TMEM165: variants seen among roughly 807,000 people sequenced by gnomAD.
TMEM165 encodes the protein transmembrane protein 165.
Under a neutral mutation model 30.0 loss-of-function variants are expected in TMEM165, and 19 were observed. The ratio of observed to expected loss-of-function variants is 0.63; its 90% confidence interval spans 0.44 to 0.93. The LOEUF (loss-of-function observed/expected upper bound fraction) is 0.93. TMEM165 is among the 40% of genes least tolerant of loss of function. The probability of loss-of-function intolerance (pLI) is 0.00; values close to 1 mark genes in which losing one functional copy is unlikely to be tolerated. For synonymous variants in TMEM165, 168 were observed against 162.9 expected, an observed-to-expected ratio of 1.03 and a Z score of -0.24; for missense variants, 340 against 417.0, an observed-to-expected ratio of 0.82 and a Z score of 1.61.
At position 55,411,749 on chromosome 4, in the gene TMEM165, T is replaced by C; in HGVS notation, c.343T>C (p.Phe115Leu). The C allele has an allele frequency of 6.2e-7, 1 of 1,614,210 alleles. No homozygotes were observed. The highest frequency in any genetic ancestry group is 8.5e-7 in the Non-Finnish European group (1 of 1,180,040). The change falls in exon 2 of 6, where the codon TTT becomes CTT. Residue 115 changes from phenylalanine to leucine, a missense_variant. Physicochemically the swap from Phe to Leu is conservative, Grantham distance 22 (BLOSUM62 0). This residue lies in a region of TMEM165 where 220 missense variants were observed against 307.6 expected (regional missense o/e 0.72). Coordinates refer to ENST00000381334, the MANE Select transcript of TMEM165 (RefSeq NM_018475.5). ...IVSELGDKTF[F>L]IAAIMAMRYN... ...ATCTGAATTGGGTGATAAGACATTT[T>C]TTATAGCAGCCATCATGGCAATGCG...
downstream of TMEM165, among the ~76,000 whole-genome samples, chr4:55,427,364 AATCT>A (rs10566465): frequency 0.65 from 97,739 of 150,528 alleles, 32,076 homozygotes; most frequent in African/African-American, 0.75. Context: ...GTTTGGAGAC[AATCT>A]ATCTCACTCT....
At chr4:55,398,685 C>T (rs1419239624) in intron 1 of TMEM165, among the ~76,000 whole-genome samples, 1 of 152,088 alleles carries the variant, frequency 6.6e-6, no homozygotes, top group African/African-American at 2.4e-5. Context: ...TTATCTGCCC[C>T]TACTAGCTTT....
chr4:55,443,543 A>T, intron 3 of TMEM165: 1 of 688,288 alleles, frequency 1.5e-6, no homozygotes, highest in Non-Finnish European at 2.5e-6. Context: ...AAAATATTTT[A>T]ATAATCACTC....
intron 1 of TMEM165, among the ~76,000 whole-genome samples, chr4:55,410,134 C>T (rs978463451): frequency 6.6e-6 from 1 of 152,114 alleles, no homozygotes; most frequent in Non-Finnish European, 1.5e-5. Context: ...CTTGTAACTT[C>T]TTAAAAATGT....
chr4:55,425,010 A>G (rs1657292303), intron 5 of TMEM165, among the ~76,000 whole-genome samples: 1 of 152,252 alleles, frequency 6.6e-6, no homozygotes, highest in South Asian at 2.1e-4. Context: ...GTGAAGCCAC[A>G]GTTAGGTCTA....
At chr4:55,420,106 A>AAAAAATATATATATAT (rs1474254120) in intron 4 of TMEM165, among the ~76,000 whole-genome samples, 1 of 45,468 alleles carries the variant, frequency 2.2e-5, no homozygotes, top group African/African-American at 8.2e-5. Flanking sequence ...AAGAAAAAAA[A>AAAAAATATATATATAT]ATATATATAT....
intron 2 of TMEM165, chr4:55,412,844 TAA>T (rs1260676267): frequency 6.6e-6 from 1 of 152,174 alleles, no homozygotes; most frequent in African/African-American, 2.4e-5. Context: ...GTAAATCTCT[TAA>T]GTGTTAACTC....
At chr4:55,401,306 C>T (rs12641881) in intron 1 of TMEM165, among the ~76,000 whole-genome samples, 36,964 of 150,510 alleles carry the variant, frequency 0.25, 5,994 homozygotes, top group East Asian at 0.58. Flanking sequence ...TACTTGGATC[C>T]TATCTTTTCT....
intron 3 of TMEM165, chr4:55,444,718 A>T (rs958536060): frequency 6.2e-7 from 1 of 1,614,094 alleles, no homozygotes; most frequent in Non-Finnish European, 8.5e-7. Context: ...TGCTTCTATC[A>T]TGCGTGTCCG....
chr4:55,400,568 G>A (rs1370985780), intron 1 of TMEM165, among the ~76,000 whole-genome samples: 1 of 148,486 alleles, frequency 6.7e-6, no homozygotes, highest in Non-Finnish European at 1.5e-5. Context: ...CTCCAGCATA[G>A]CTGGGACTAC....
At position 55,442,618 on chromosome 4, in the gene TMEM165, A is replaced by G. The variant is rs1177600711; in HGVS notation, c.409-9621A>G. 1.9e-6 allele frequency: 3 copies of G among 1,613,134 alleles called. No homozygotes were observed. In the African/African-American group the frequency reaches 4.0e-5, roughly 22 times the overall value. On this transcript the variant is annotated intron_variant, in intron 3 of 3. Coordinates refer to the TMEM165 transcript ENST00000608091. The stretch of plus-strand genomic sequence containing the variant: ...AGATGTTTGCTGACTGTGCCCACTC[A>G]GTACATTTTGTTGACTCTGTTAAAA...
exon 4 of TMEM165, chr4:55,453,314 A>G (rs1363601378): frequency 1.7e-5 from 10 of 586,246 alleles, no homozygotes; most frequent in Non-Finnish European, 3.1e-5. Flanking sequence ...GGTATCTTAA[A>G]GTTTCATACA....
At chr4:55,442,745 G>T (rs1723477777) in intron 3 of TMEM165, 1 of 954,652 alleles carries the variant, frequency 1.0e-6, no homozygotes, top group Non-Finnish European at 1.6e-6. Flanking sequence ...GAAAGAAGTG[G>T]CAGGATATAT....
intron 1 of TMEM165, among the ~76,000 whole-genome samples, chr4:55,402,963 T>G (rs1258777893): frequency 1.3e-5 from 2 of 151,794 alleles, no homozygotes; most frequent in Admixed American, 1.3e-4. Flanking sequence ...GCTAATTTTT[T>G]GTATTTTTAG....
At chr4:55,402,756 A>G (rs1364745435) in intron 1 of TMEM165, among the ~76,000 whole-genome samples, 1 of 132,314 alleles carries the variant, frequency 7.6e-6, no homozygotes. Flanking sequence ...CTAAGTGCAT[A>G]TATATTTTTG....
At chr4:55,449,458 G>C in intron 3 of TMEM165, 1 of 1,613,988 alleles carries the variant, frequency 6.2e-7, no homozygotes. Flanking sequence ...TGCTGCCTGG[G>C]TGGAGTGCTC....
chr4:55,439,709 A>G (rs1290931777), intron 3 of TMEM165, among the ~76,000 whole-genome samples: 1 of 152,204 alleles, frequency 6.6e-6, no homozygotes. Context: ...TTGCTGTAAC[A>G]TGGATGAACC....
At chr4:55,438,882 G>A (rs1201279726) in intron 3 of TMEM165, among the ~76,000 whole-genome samples, 1 of 152,138 alleles carries the variant, frequency 6.6e-6, no homozygotes. Context: ...AAAACTCTTA[G>A]AAGAAAACAT....
At chr4:55,453,253 C>T in exon 4 of TMEM165, 2 of 796,108 alleles carry the variant, frequency 2.5e-6, no homozygotes, top group Non-Finnish European at 2.1e-6. Flanking sequence ...CTATGTGCTA[C>T]ACAAACCTAA....
Sources: gnomAD v4.1 joint callset for allele counts (sites outside exome capture counted in the v4.1 genomes callset) on GRCh38, gnomAD v4.1.1 for gene constraint, gnomAD v4.1.1 regional missense constraint, MANE v1.5 for transcripts, NCBI Gene and HGNC (gene_info 2026-07-23, HGNC 2026-07-21) for gene names.